Variants in PDE4D observed in about 807,000 individuals in gnomAD.
The protein encoded by PDE4D is 3',5'-cyclic-AMP phosphodiesterase 4D.
In PDE4D, 24 loss-of-function variants were observed where a neutral mutation model predicts 87.4. The observed-to-expected ratio is 0.27, with a 90% confidence interval of 0.20 to 0.39. The LOEUF (loss-of-function observed/expected upper bound fraction) is 0.39. PDE4D is among the 10% of genes least tolerant of loss of function. PDE4D has a pLI of 1.00. For synonymous variants in PDE4D, 384 were observed against 383.2 expected (o/e 1.00, Z -0.02); for missense variants, 714 against 1,041.0 (o/e 0.69, Z 4.32).
intron 1 of PDE4D, among the ~76,000 whole-genome samples, chr5:59,839,148 G>A (rs1453870292): frequency 6.6e-6 from 1 of 151,790 alleles, no homozygotes; most frequent in Non-Finnish European, 1.5e-5. Flanking sequence ...AGCTTGCAAG[G>A]CTGTCTTGGA....
intron 2 of PDE4D, among the ~76,000 whole-genome samples, chr5:60,153,578 T>C (rs1171941653): frequency 3.3e-5 from 5 of 152,208 alleles, no homozygotes; most frequent in Admixed American, 6.5e-5. Flanking sequence ...TTCCATGTTC[T>C]TTGAAGCATT....
chr5:59,168,288 T>C (rs1026641304), intron 5 of PDE4D, among the ~76,000 whole-genome samples: 4 of 152,180 alleles, frequency 2.6e-5, no homozygotes, highest in Non-Finnish European at 5.9e-5. Flanking sequence ...GCCTGCCCTT[T>C]CAGGCCTTCG....
intron 1 of PDE4D, among the ~76,000 whole-genome samples, chr5:59,428,976 T>G (rs1795715104): frequency 6.6e-6 from 1 of 152,216 alleles, no homozygotes; most frequent in African/African-American, 2.4e-5. Flanking sequence ...TATTTTCTTG[T>G]AAAATACACT....
At chr5:60,346,727 G>A (rs1248630684) in intron 1 of PDE4D, among the ~76,000 whole-genome samples, 1 of 152,130 alleles carries the variant, frequency 6.6e-6, no homozygotes, top group Non-Finnish European at 1.5e-5. Flanking sequence ...ATAAAATAGA[G>A]TCTGGAATAA....
At chr5:59,886,948 G>A (rs1158084907) in intron 1 of PDE4D, among the ~76,000 whole-genome samples, 2 of 151,934 alleles carry the variant, frequency 1.3e-5, no homozygotes, top group Non-Finnish European at 2.9e-5. Flanking sequence ...CAACAGGAAT[G>A]AGGAGAGGTT....
intron 5 of PDE4D, among the ~76,000 whole-genome samples, chr5:59,090,193 A>G (rs1487178457): frequency 6.6e-6 from 1 of 152,182 alleles, no homozygotes; most frequent in Non-Finnish European, 1.5e-5. Flanking sequence ...AAGCATATAA[A>G]GTTTCATCAT....
intron 1 of PDE4D, among the ~76,000 whole-genome samples, chr5:59,477,353 T>A (rs201004629): frequency 0.015 from 1,291 of 87,594 alleles, 2 homozygotes; most frequent in East Asian, 0.02. Context: ...TAGAGTATAA[T>A]AAAAAAAAAA....
intron 1 of PDE4D, among the ~76,000 whole-genome samples, chr5:59,856,232 G>A (rs1278338660): frequency 6.6e-6 from 1 of 152,006 alleles, no homozygotes; most frequent in Non-Finnish European, 1.5e-5. Flanking sequence ...TTTCTCTTTT[G>A]GCATTGGAAT....
At chr5:59,392,147 A>G (rs2153608644) in intron 1 of PDE4D, among the ~76,000 whole-genome samples, 1 of 151,956 alleles carries the variant, frequency 6.6e-6, no homozygotes, top group African/African-American at 2.4e-5. Flanking sequence ...GGATGGAAGG[A>G]TACAAAGTAT....
chr5:60,486,224 T>A (rs1413274164), intron 1 of PDE4D, among the ~76,000 whole-genome samples: 1 of 152,182 alleles, frequency 6.6e-6, no homozygotes, highest in African/African-American at 2.4e-5. Flanking sequence ...ATTTTATAGA[T>A]GCACTCCTTT....
At chr5:60,434,655 G>A (rs960831172) in intron 1 of PDE4D, among the ~76,000 whole-genome samples, 3 of 152,096 alleles carry the variant, frequency 2.0e-5, no homozygotes, top group Non-Finnish European at 1.5e-5. Context: ...AGAAAACAAA[G>A]CTCATAGGCA....
intron 1 of PDE4D, among the ~76,000 whole-genome samples, chr5:59,318,074 A>C (rs1444245057): frequency 1.3e-5 from 2 of 152,204 alleles, no homozygotes; most frequent in Admixed American, 6.6e-5. Flanking sequence ...GACTTTGGAC[A>C]AGTGACAGAG....
chr5:59,589,740 A>T (rs1207337968), intron 1 of PDE4D, among the ~76,000 whole-genome samples: 1 of 152,198 alleles, frequency 6.6e-6, no homozygotes, highest in African/African-American at 2.4e-5. Flanking sequence ...CTTGTTAGCT[A>T]CATTTCCATT....
chr5:59,145,466 T>C (rs138889271), intron 5 of PDE4D, among the ~76,000 whole-genome samples: 49 of 152,356 alleles, frequency 3.2e-4, no homozygotes, highest in African/African-American at 1.2e-3. Context: ...GCTCGGTTAC[T>C]AAAAATGTAC....
At chr5:59,333,577 C>T (rs1194027278) in intron 1 of PDE4D, among the ~76,000 whole-genome samples, 1 of 152,162 alleles carries the variant, frequency 6.6e-6, no homozygotes, top group East Asian at 1.9e-4. Flanking sequence ...ATCCAGGAAG[C>T]TTAGTGTGTC....
chr5:59,163,153 C>T (rs190579943), intron 5 of PDE4D, among the ~76,000 whole-genome samples: 2 of 150,646 alleles, frequency 1.3e-5, no homozygotes, highest in East Asian at 3.9e-4. Flanking sequence ...ACCATGTTGC[C>T]CAGGCTGATC....
chr5:60,348,030 T>C (rs1561148101), intron 1 of PDE4D, among the ~76,000 whole-genome samples: 1 of 152,078 alleles, frequency 6.6e-6, no homozygotes, highest in Non-Finnish European at 1.5e-5. Flanking sequence ...CCCGCCTACT[T>C]TGCTGAGGTA....
At chr5:59,481,804 C>T (rs910255972) in intron 1 of PDE4D, among the ~76,000 whole-genome samples, 2 of 151,402 alleles carry the variant, frequency 1.3e-5, no homozygotes, top group Non-Finnish European at 2.9e-5. Context: ...TAAAATTTTT[C>T]AGTATTGAAA....
intron 2 of PDE4D, among the ~76,000 whole-genome samples, chr5:60,152,652 CAAA>C (rs35561110): frequency 0.53 from 68,315 of 130,092 alleles, 16,775 homozygotes; most frequent in Admixed American, 0.58. Context: ...GACTCTGTCT[CAAA>C]AAAAAAAAAA....
Sources: allele counts gnomAD v4.1 joint callset (sites outside exome capture counted in the v4.1 genomes callset), GRCh38; gene constraint gnomAD v4.1.1; transcripts MANE v1.5; gene names NCBI Gene and HGNC (gene_info 2026-07-23, HGNC 2026-07-21).